Variants in USP34 observed in about 807,000 individuals in gnomAD.
USP34 encodes ubiquitin specific peptidase 34.
USP34 carries 70 observed loss-of-function variants against 460.3 expected under a neutral mutation model. The ratio of observed to expected loss-of-function variants is 0.15; its 90% CI spans 0.13 to 0.19. The LOEUF (loss-of-function observed/expected upper bound fraction) is 0.19. Among genes scored for constraint, USP34 ranks in the 10% least tolerant of loss-of-function variants. The pLI is 1.00. For synonymous variants in USP34, 1,647 were observed against 1,405.3 expected, an observed-to-expected ratio of 1.17 and a Z score of -3.85; for missense variants, 3,985 against 4,236.2, an observed-to-expected ratio of 0.94 and a Z score of 1.65.
chr2:61,405,630 T>C lies in USP34; in HGVS notation c.552+78A>G, dbSNP rs528440322. The C allele has an allele frequency of 5.4e-5, 69 of 1,280,714 alleles. No homozygotes were observed. The African/African-American group carries it at 8.8e-4, about 16-fold the overall frequency. 79.3% of individuals were successfully genotyped at this position (1,280,714 alleles called of 1,614,324 possible). On this transcript the variant is annotated intron_variant, in intron 3 of 79. Transcript: ENST00000398571. ...ATTTTCCGCCAGCAGAAAACTGTCT[T>C]CATATTTATCAGTAAGAAACAGACT... is the stretch of plus-strand genomic sequence containing the variant.
chr2:61,337,175 C>A (rs1188126002), intron 18 of USP34, among the ~76,000 whole-genome samples: 1 of 152,148 alleles, frequency 6.6e-6, no homozygotes, highest in African/African-American at 2.4e-5. Flanking sequence ...CCCATTCCAA[C>A]CACTCAGGGT....
At chr2:61,264,799 G>A (rs1688997413) in intron 43 of USP34, among the ~76,000 whole-genome samples, 1 of 151,000 alleles carries the variant, frequency 6.6e-6, no homozygotes, top group African/African-American at 2.4e-5. Context: ...TGAAATGGGA[G>A]GATTGCTTGA....
At chr2:61,289,152 T>C (rs1455174156) in intron 33 of USP34, among the ~76,000 whole-genome samples, 11 of 152,126 alleles carry the variant, frequency 7.2e-5, no homozygotes, top group Non-Finnish European at 1.6e-4. Context: ...TATAAAAATA[T>C]ATGTAATAGC....
intron 59 of USP34, 139 bp downstream of exon 59, chr2:61,229,409 C>T (rs1442052339): frequency 7.5e-6 from 4 of 534,922 alleles, no homozygotes; most frequent in Non-Finnish European, 1.2e-5. Context: ...ATCATTTGAA[C>T]TTACGAGTTT....
intron 1 of USP34, among the ~76,000 whole-genome samples, chr2:61,470,354 C>G (rs1397166679): frequency 6.6e-6 from 1 of 152,286 alleles, no homozygotes; most frequent in South Asian, 2.1e-4. Context: ...GGGTTCATTA[C>G]TGCCTTCATT....
intron 75 of USP34, among the ~76,000 whole-genome samples, chr2:61,202,938 C>T (rs969919089): frequency 1.3e-5 from 2 of 152,062 alleles, no homozygotes; most frequent in Admixed American, 1.3e-4. Context: ...CCAGCTGAAA[C>T]TCTGGGCAGA....
chr2:61,350,548 T>G lies in USP34; in HGVS notation c.1377+20A>C. 2.5e-6 allele frequency: 4 copies of G among 1,576,368 alleles called. No individual in the cohort carries two copies. Among genetic ancestry groups the G allele is most frequent in the Non-Finnish European group, 3.4e-6 (4 of 1,167,996 alleles). On this transcript the variant is annotated intron_variant, in intron 11 of 79. Coordinates refer to ENST00000398571, the MANE Select transcript of USP34 (RefSeq NM_014709.4). ...ACTTCACGGGAAAAAAAAAAAACTA[T>G]CATGTTTTGAATGTATTACCTGTTC...
chr2:61,369,642 C>CAAAAAAAAAAAAAA (rs57947331), intron 10 of USP34, among the ~76,000 whole-genome samples: 1 of 43,428 alleles, frequency 2.3e-5, no homozygotes, highest in Non-Finnish European at 3.9e-5. Context: ...GATTCCGTCT[C>CAAAAAAAAAAAAAA]AAAAAAAAAA....
Position 61,196,263 on chromosome 2 carries a change from T to G in USP34, c.9509-3283A>C, listed in dbSNP as rs1572826127. Among the ~76,000 whole-genome samples, 3 of 149,922 alleles carry G rather than the reference T, an allele frequency of 2.0e-5. No individual in the cohort carries two copies. The South Asian group carries it at 6.3e-4, about 31-fold the overall frequency. ...GCCTGGCTAATTTTTTTTTTTTTTT[T>G]GTATTTTTAGTAGAGACGGGGTTTC... is the stretch of plus-strand genomic sequence containing the variant. On this transcript the variant is annotated intron_variant, in intron 75 of 79. Coordinates refer to ENST00000398571, the MANE Select transcript of USP34 (RefSeq NM_014709.4).
At chr2:61,399,993 C>G (rs377632450) in intron 3 of USP34, among the ~76,000 whole-genome samples, 1 of 150,262 alleles carries the variant, frequency 6.7e-6, no homozygotes, top group African/African-American at 2.4e-5. Context: ...ATTTTTTTTC[C>G]TCAAAAACCT....
At chr2:61,370,751 G>C (rs1306394748) in intron 8 of USP34, among the ~76,000 whole-genome samples, 172 bp from the exon 9 acceptor site, 1 of 152,142 alleles carries the variant, frequency 6.6e-6, no homozygotes, top group African/African-American at 2.4e-5. Context: ...ATATGATGCT[G>C]AATTTATAAA....
chr2:61,346,909 G>A (rs547334818), intron 15 of USP34, among the ~76,000 whole-genome samples: 12 of 151,012 alleles, frequency 7.9e-5, no homozygotes, highest in East Asian at 2.0e-4. Context: ...AGGCCGAGGC[G>A]GGCAGATCAT....
intron 27 of USP34, among the ~76,000 whole-genome samples, chr2:61,307,439 A>G (rs906589780): frequency 1.3e-5 from 2 of 152,050 alleles, no homozygotes; most frequent in African/African-American, 4.8e-5. Context: ...CGTTGTGCAC[A>G]TGTACCCTAG....
chr2:61,303,682 C>T (rs533125818), intron 27 of USP34, among the ~76,000 whole-genome samples: 6 of 151,826 alleles, frequency 4.0e-5, no homozygotes, highest in South Asian at 4.2e-4. Context: ...CTGCAAGCTC[C>T]GCCTCCTGGG....
At chr2:61,266,744 A>T (rs371545774) in intron 41 of USP34, among the ~76,000 whole-genome samples, 3 of 152,310 alleles carry the variant, frequency 2.0e-5, no homozygotes, top group African/African-American at 7.2e-5. Context: ...GGTCTGCAGT[A>T]TAAAACCTCC....
chr2:61,325,199 GCAA>G (rs1691048844), intron 21 of USP34, among the ~76,000 whole-genome samples, 173 bp downstream of exon 21: 1 of 150,932 alleles, frequency 6.6e-6, no homozygotes, highest in Non-Finnish European at 1.5e-5. Flanking sequence ...CTACCAGTAC[GCAA>G]TACTGGTAGG....
intron 53 of USP34, among the ~76,000 whole-genome samples, chr2:61,237,991 G>C (rs1490813078): frequency 6.6e-6 from 1 of 151,698 alleles, no homozygotes; most frequent in Non-Finnish European, 1.5e-5. Flanking sequence ...CCACCTCCAG[G>C]TTCAAGCGAT....
At chr2:61,380,055 C>T in intron 7 of USP34, 114 bp downstream of exon 7, 1 of 826,768 alleles carries the variant, frequency 1.2e-6, no homozygotes, top group Non-Finnish European at 1.8e-6. Flanking sequence ...AAGTAATCCA[C>T]ATAAAATACT....
At chr2:61,296,023 C>G (rs1690016410) in intron 30 of USP34, among the ~76,000 whole-genome samples, 1 of 152,136 alleles carries the variant, frequency 6.6e-6, no homozygotes, top group Admixed American at 6.6e-5. Context: ...TTTTGGGAGG[C>G]TGAGATGGGC....
Sources: allele counts gnomAD v4.1 joint callset (sites outside exome capture counted in the v4.1 genomes callset), GRCh38; gene constraint gnomAD v4.1.1; transcripts MANE v1.5; gene names NCBI Gene and HGNC (gene_info 2026-07-23, HGNC 2026-07-21).